The following KCNH7 variants were observed in gnomAD, a reference collection of about 807,000 sequenced individuals.
The protein encoded by KCNH7 is potassium voltage-gated channel subfamily H member 7, also known as voltage-gated inwardly rectifying potassium channel KCNH7.
Under a neutral mutation model 120.8 loss-of-function variants are expected in KCNH7, and 49 were observed. The observed-to-expected ratio is 0.41, with a 90% CI of 0.32 to 0.51. The LOEUF is 0.51. Among genes scored for constraint, KCNH7 ranks in the 20% least tolerant of loss-of-function variants. The pLI is 0.38. For missense variants in KCNH7, 1,097 were observed against 1,446.6 expected (o/e 0.76, Z 3.92); for synonymous variants, 547 against 516.1 (o/e 1.06, Z -0.81).
At chr2:162,610,044 C>T (rs768942542) in intron 2 of KCNH7, among the ~76,000 whole-genome samples, 8 of 152,200 alleles carry the variant, frequency 5.3e-5, no homozygotes, top group Non-Finnish European at 1.0e-4. Flanking sequence ...CTCTCACTAG[C>T]ACTTTTACAT....
At chr2:162,736,237 G>A (rs960778190) in intron 2 of KCNH7, among the ~76,000 whole-genome samples, 1 of 152,128 alleles carries the variant, frequency 6.6e-6, no homozygotes, top group Non-Finnish European at 1.5e-5. Context: ...CATGCAATGA[G>A]TTGCTTTTTG....
At chr2:162,739,375 T>C (rs1015932582) in intron 2 of KCNH7, among the ~76,000 whole-genome samples, 1 of 152,142 alleles carries the variant, frequency 6.6e-6, no homozygotes, top group African/African-American at 2.4e-5. Context: ...TCGCCATGGA[T>C]TCTTAGATAC....
chr2:162,406,780 A>AGT, intron 9 of KCNH7, among the ~76,000 whole-genome samples: 1 of 151,988 alleles, frequency 6.6e-6, no homozygotes, highest in East Asian at 1.9e-4. Flanking sequence ...TAAGATACTA[A>AGT]ACCCTGCTTT....
intron 2 of KCNH7, among the ~76,000 whole-genome samples, chr2:162,789,437 C>A (rs992053839): frequency 7.9e-5 from 12 of 151,982 alleles, no homozygotes; most frequent in Non-Finnish European, 1.0e-4. Context: ...CCACTTTCAA[C>A]AATAAACAGA....
chr2:162,576,324 C>T (rs1693668924), intron 2 of KCNH7, among the ~76,000 whole-genome samples: 1 of 151,996 alleles, frequency 6.6e-6, no homozygotes, highest in Admixed American at 6.6e-5. Context: ...CTTTGCCGGT[C>T]ATATCACCTT....
At chr2:162,601,730 C>T (rs1222769631) in intron 2 of KCNH7, among the ~76,000 whole-genome samples, 1 of 152,008 alleles carries the variant, frequency 6.6e-6, no homozygotes, top group Non-Finnish European at 1.5e-5. Context: ...ATATTGTAAA[C>T]ACGTGAGTTC....
chr2:162,753,291 T>C (rs1688671601), intron 2 of KCNH7, among the ~76,000 whole-genome samples: 1 of 152,156 alleles, frequency 6.6e-6, no homozygotes, highest in African/African-American at 2.4e-5. Flanking sequence ...CCTAGTTTGA[T>C]GTGGAAGATA....
chr2:162,641,638 T>G (rs1684160887), intron 2 of KCNH7, among the ~76,000 whole-genome samples: 1 of 152,032 alleles, frequency 6.6e-6, no homozygotes, highest in Admixed American at 6.6e-5. Flanking sequence ...AAGAACAGGC[T>G]AGAGGTCAGG....
chr2:162,595,253 G>A (rs574703553), intron 2 of KCNH7, among the ~76,000 whole-genome samples: 3 of 152,014 alleles, frequency 2.0e-5, no homozygotes, highest in East Asian at 3.9e-4. Context: ...GGAAATTCCA[G>A]AAATGCTTGT....
At chr2:162,779,392 G>A (rs1683389113) in intron 2 of KCNH7, among the ~76,000 whole-genome samples, 1 of 151,900 alleles carries the variant, frequency 6.6e-6, no homozygotes, top group African/African-American at 2.4e-5. Context: ...GTAGAGACGG[G>A]GTTTCACCAT....
chr2:162,707,826 G>A (rs952288573), intron 2 of KCNH7, among the ~76,000 whole-genome samples: 3 of 152,102 alleles, frequency 2.0e-5, no homozygotes, highest in African/African-American at 7.2e-5. Flanking sequence ...ACCTCCTGGT[G>A]GTTTCTAGAA....
intron 2 of KCNH7, among the ~76,000 whole-genome samples, chr2:162,651,482 G>A (rs1488951500): frequency 6.6e-6 from 1 of 151,996 alleles, no homozygotes; most frequent in Admixed American, 6.6e-5. Context: ...TTCTGTTCCT[G>A]TGTTAGTTTG....
intron 8 of KCNH7, 134 bp from the exon 9 acceptor site, chr2:162,423,669 G>C (rs1687772389): frequency 1.3e-6 from 1 of 772,512 alleles, no homozygotes; most frequent in Admixed American, 2.9e-5. Flanking sequence ...GGGAAAAAAA[G>C]AAGTTAAACT....
intron 2 of KCNH7, among the ~76,000 whole-genome samples, chr2:162,685,431 G>C (rs945153413): frequency 5.3e-5 from 8 of 152,072 alleles, no homozygotes; most frequent in Non-Finnish European, 1.0e-4. Context: ...CATTGGTATA[G>C]TACAAGGTAA....
In KCNH7 at chr2:162,646,567, A is replaced by T. The variant is rs141172377; in HGVS notation, c.308-109487T>A. Among the ~76,000 whole-genome samples the T allele has an allele frequency of 6.8e-3, 1,041 of 152,328 alleles. 15 individuals carry two copies. The highest frequency in any genetic ancestry group is 0.023 in the African/African-American group (976 of 41,574). ...GTTTATTCAATGAGCTTATTCTATG[A>T]CATGAGCACTCAAAAGCAGAAAGCG... On this transcript the variant is annotated intron_variant, in intron 2 of 15. Transcript: ENST00000332142.
chr2:162,615,066 T>C (rs973383453), intron 2 of KCNH7, among the ~76,000 whole-genome samples: 14 of 152,294 alleles, frequency 9.2e-5, no homozygotes, highest in Admixed American at 8.5e-4. Flanking sequence ...ATTTGGGTTC[T>C]CACTCCACAG....
intron 2 of KCNH7, among the ~76,000 whole-genome samples, chr2:162,807,769 G>A (rs1418293820): frequency 2.6e-5 from 4 of 151,340 alleles, no homozygotes; most frequent in African/African-American, 7.3e-5. Context: ...TGCAACCTCC[G>A]CCTCCCAGGT....
intron 7 of KCNH7, among the ~76,000 whole-genome samples, chr2:162,437,857 G>A (rs1018373527): frequency 5.9e-5 from 9 of 152,014 alleles, no homozygotes; most frequent in African/African-American, 2.2e-4. Context: ...TTCCGTACTG[G>A]CCTTGCAGCT....
At chr2:162,832,046 A>G (rs1559154602) in intron 2 of KCNH7, among the ~76,000 whole-genome samples, 1 of 152,164 alleles carries the variant, frequency 6.6e-6, no homozygotes, top group Non-Finnish European at 1.5e-5. Flanking sequence ...GATAACATTC[A>G]AAGTCCATGA....
Sources: allele counts gnomAD v4.1 joint callset (sites outside exome capture counted in the v4.1 genomes callset), GRCh38; gene constraint gnomAD v4.1.1; transcripts MANE v1.5; gene names NCBI Gene and HGNC (gene_info 2026-07-23, HGNC 2026-07-21).